The following AFF1 variants were observed in gnomAD, a reference collection of about 807,000 sequenced individuals.
AFF1 encodes AF4/FMR2 family member 1.
Under a neutral mutation model 121.7 loss-of-function variants are expected in AFF1, and 48 were observed. The ratio of observed to expected loss-of-function variants is 0.39; its 90% CI spans 0.31 to 0.50. The LOEUF (loss-of-function observed/expected upper bound fraction) is 0.50. Among genes scored for constraint, AFF1 ranks in the 20% least tolerant of loss-of-function variants. The pLI, the probability that AFF1 is intolerant of heterozygous loss-of-function variation, is 0.76. For synonymous variants in AFF1, 613 were observed against 563.0 expected (o/e 1.09, Z -1.26); for missense variants, 1,523 against 1,511.7 (o/e 1.01, Z -0.12).
chr4:87,081,152 ATTTTTTTTTTTTTT>A (rs549510832), intron 4 of AFF1, among the ~76,000 whole-genome samples: 1 of 89,718 alleles, frequency 1.1e-5, no homozygotes, highest in South Asian at 4.8e-4. Flanking sequence ...AATGAAATGA[ATTTTTTTTTTTTTT>A]TTTTTTTTTT....
intron 7 of AFF1, among the ~76,000 whole-genome samples, chr4:87,094,536 T>G (rs1375515932): frequency 6.6e-6 from 1 of 151,674 alleles, no homozygotes; most frequent in Non-Finnish European, 1.5e-5. Flanking sequence ...CTAAAGAGAG[T>G]GATAACAAAT....
At chr4:87,124,583 A>T (rs1390349487) in intron 12 of AFF1, among the ~76,000 whole-genome samples, 1 of 152,224 alleles carries the variant, frequency 6.6e-6, no homozygotes, top group African/African-American at 2.4e-5. Context: ...TTTGAATTTT[A>T]TACAAACAAT....
intron 2 of AFF1, among the ~76,000 whole-genome samples, chr4:86,979,503 GGA>G (rs1299749190): frequency 6.6e-6 from 1 of 152,138 alleles, no homozygotes; most frequent in African/African-American, 2.4e-5. Context: ...TGTGGGGGTG[GGA>G]GAGTTTTTAA....
At chr4:87,118,545 C>T (rs866613596) in intron 12 of AFF1, among the ~76,000 whole-genome samples, 17 of 152,320 alleles carry the variant, frequency 1.1e-4, no homozygotes, top group South Asian at 2.1e-4. Context: ...GACAGGGTCT[C>T]GCTCTGTTGC....
At chr4:87,110,546 CCTT>C (rs1353901603) in intron 11 of AFF1, among the ~76,000 whole-genome samples, 1 of 151,612 alleles carries the variant, frequency 6.6e-6, no homozygotes, top group Non-Finnish European at 1.5e-5. Flanking sequence ...TGGTAACCAT[CCTT>C]CTACTCTCTA....
At chr4:87,060,854 A>C (rs1305393443) in intron 4 of AFF1, among the ~76,000 whole-genome samples, 4 of 47,628 alleles carry the variant, frequency 8.4e-5, no homozygotes, top group African/African-American at 4.4e-4. Context: ...AAAAAAAAAA[A>C]AAAAAAAAAA....
At chr4:86,999,966 A>T (rs2149518767) in intron 2 of AFF1, among the ~76,000 whole-genome samples, 1 of 152,296 alleles carries the variant, frequency 6.6e-6, no homozygotes, top group African/African-American at 2.4e-5. Context: ...ACAGAAAGGA[A>T]AGGGTGCTCG....
chr4:87,069,555 T>TTCCCTCTCCTCTCTCTCCTCTC (rs1560595252), intron 4 of AFF1, among the ~76,000 whole-genome samples: 7 of 117,874 alleles, frequency 5.9e-5, no homozygotes, highest in Admixed American at 4.6e-4. Context: ...TCTCTCCCCT[T>TTCCCTCTCCTCTCTCTCCTCTC]TCCCTCTCCT....
chr4:87,127,171 C>CTG, intron 15 of AFF1, 54 bp downstream of exon 15: 1 of 1,296,296 alleles, frequency 7.7e-7, no homozygotes, highest in Non-Finnish European at 1.1e-6. Flanking sequence ...TTGCTTCCCC[C>CTG]CCCCACCAAG....
chr4:87,069,587 TATC>T (rs926270289), intron 4 of AFF1, among the ~76,000 whole-genome samples: 5 of 147,906 alleles, frequency 3.4e-5, no homozygotes, highest in African/African-American at 1.0e-4. Flanking sequence ...CTCCCTCTCC[TATC>T]ATCTCTCCCT....
chr4:86,939,032 A>G (rs1359481805), intron 1 of AFF1, among the ~76,000 whole-genome samples: 3 of 152,240 alleles, frequency 2.0e-5, no homozygotes, highest in South Asian at 2.1e-4. Context: ...ATAGTATCTC[A>G]TATTCATTCC....
chr4:86,972,459 A>G (rs909052736), intron 2 of AFF1, among the ~76,000 whole-genome samples: 10 of 152,240 alleles, frequency 6.6e-5, no homozygotes, highest in African/African-American at 9.6e-5. Flanking sequence ...AAAGACTGGG[A>G]AAAAAATGTG....
chr4:87,030,706 C>G (rs1257082256), intron 2 of AFF1, among the ~76,000 whole-genome samples: 1 of 151,444 alleles, frequency 6.6e-6, no homozygotes, highest in Non-Finnish European at 1.5e-5. Flanking sequence ...GCTCAGCAAA[C>G]AGAATGATAT....
intron 2 of AFF1, among the ~76,000 whole-genome samples, chr4:87,010,431 A>G (rs1052889633): frequency 2.0e-5 from 3 of 152,338 alleles, no homozygotes; most frequent in South Asian, 2.1e-4. Flanking sequence ...TTTGGAACCT[A>G]TAAACATAAC....
chr4:87,037,660 A>C (rs1255270524), intron 2 of AFF1, among the ~76,000 whole-genome samples: 1 of 152,096 alleles, frequency 6.6e-6, no homozygotes. Context: ...CCTTTGCTAC[A>C]TATTAATAGG....
At chr4:87,084,915 C>T (rs901901805) in intron 5 of AFF1, among the ~76,000 whole-genome samples, 1 of 152,200 alleles carries the variant, frequency 6.6e-6, no homozygotes, top group Non-Finnish European at 1.5e-5. Flanking sequence ...ATTTATACCT[C>T]TTGGCGTTCT....
intron 4 of AFF1, among the ~76,000 whole-genome samples, chr4:87,083,566 C>G (rs1723381500): frequency 6.6e-6 from 1 of 152,180 alleles, no homozygotes; most frequent in African/African-American, 2.4e-5. Flanking sequence ...TTAGCTGTTG[C>G]TATGAGGTAG....
chr4:87,080,314 C>A (rs180973013), intron 4 of AFF1, among the ~76,000 whole-genome samples: 1 of 152,202 alleles, frequency 6.6e-6, no homozygotes, highest in African/African-American at 2.4e-5. Context: ...TTTCTTGATT[C>A]ATGCAACTAT....
At chr4:87,091,317 C>T (rs371428298) in intron 6 of AFF1, among the ~76,000 whole-genome samples, 1 of 152,102 alleles carries the variant, frequency 6.6e-6, no homozygotes, top group Admixed American at 6.6e-5. Context: ...GCAGAAGAAT[C>T]GCTTGAACCT....
Sources: allele counts gnomAD v4.1 joint callset (sites outside exome capture counted in the v4.1 genomes callset), GRCh38; gene constraint gnomAD v4.1.1; transcripts MANE v1.5; gene names NCBI Gene and HGNC (gene_info 2026-07-23, HGNC 2026-07-21).